Variants in PDZRN4 observed in about 807,000 individuals in gnomAD.
The protein encoded by PDZRN4 is PDZ domain containing ring finger 4.
Under a neutral mutation model 99.0 loss-of-function variants are expected in PDZRN4, and 70 were observed. The observed-to-expected ratio is 0.71, with a 90% CI of 0.58 to 0.86. The LOEUF (loss-of-function observed/expected upper bound fraction) is 0.86, where lower values mean the gene tolerates loss of function less well. Among genes scored for constraint, PDZRN4 ranks in the 40% least tolerant of loss-of-function variants. The probability of loss-of-function intolerance (pLI) is 0.00; values close to 1 mark genes in which losing one functional copy is unlikely to be tolerated. For missense variants in PDZRN4, 1,474 were observed against 1,331.2 expected, an observed-to-expected ratio of 1.11 and a Z score of -1.67; for synonymous variants, 551 against 501.6, an observed-to-expected ratio of 1.10 and a Z score of -1.32.
chr12:41,406,313 G>C (rs7956499), intron 3 of PDZRN4, among the ~76,000 whole-genome samples: 59,938 of 151,850 alleles, frequency 0.39, 12,030 homozygotes, highest in South Asian at 0.45. Flanking sequence ...GACACATTTA[G>C]TTGAAAAATA....
chr12:41,495,071 C>T (rs1302789516), intron 3 of PDZRN4, among the ~76,000 whole-genome samples: 2 of 151,954 alleles, frequency 1.3e-5, no homozygotes, highest in Non-Finnish European at 2.9e-5. Context: ...AAGTTTATAT[C>T]CTACACAAAG....
intron 3 of PDZRN4, among the ~76,000 whole-genome samples, chr12:41,354,249 T>A (rs1951911679): frequency 6.6e-6 from 1 of 152,128 alleles, no homozygotes; most frequent in South Asian, 2.1e-4. Flanking sequence ...ATTGCACTGA[T>A]GAAGAATTGT....
chr12:41,385,596 A>G (rs1952163513), intron 3 of PDZRN4, among the ~76,000 whole-genome samples: 1 of 152,182 alleles, frequency 6.6e-6, no homozygotes, highest in African/African-American at 2.4e-5. Flanking sequence ...TCCTGGGCAC[A>G]TACACCCTTC....
At chr12:41,546,128 G>A (rs988092933) in intron 5 of PDZRN4, among the ~76,000 whole-genome samples, 3 of 152,148 alleles carry the variant, frequency 2.0e-5, no homozygotes, top group Non-Finnish European at 2.9e-5. Context: ...GGTAATGAAC[G>A]TACAGGGAAA....
chr12:41,374,920 C>T (rs1323136514), intron 3 of PDZRN4, among the ~76,000 whole-genome samples: 1 of 152,202 alleles, frequency 6.6e-6, no homozygotes, highest in Non-Finnish European at 1.5e-5. Context: ...TATACCTCTT[C>T]TGAGATTAGG....
At chr12:41,483,319 AAG>A (rs1937711752) in intron 3 of PDZRN4, among the ~76,000 whole-genome samples, 1 of 152,166 alleles carries the variant, frequency 6.6e-6, no homozygotes, top group Non-Finnish European at 1.5e-5. Context: ...AGCTTACTAA[AAG>A]AGAAGGATAT....
At chr12:41,246,126 T>G (rs527532304) in intron 3 of PDZRN4, among the ~76,000 whole-genome samples, 1 of 152,256 alleles carries the variant, frequency 6.6e-6, no homozygotes, top group East Asian at 1.9e-4. Flanking sequence ...CTCAGAAAAA[T>G]AAAAATGTCT....
Position 41,275,904 on chromosome 12 carries a change from T to C in PDZRN4, c.843+81716T>C, listed in dbSNP as rs542397878. ...ACAGGCTGGATGTGAAAAATGAAGG[T>C]GATTTTGAGGGATGTGAGACTAGAG... On this transcript the variant is annotated intron_variant, in intron 3 of 9. Transcript: ENST00000402685. 3.3e-5 allele frequency among the ~76,000 whole-genome samples: 5 copies of C among 152,032 alleles called. No individual in the cohort carries two copies. In the South Asian group the frequency reaches 6.2e-4, roughly 19 times the overall value.
chr12:41,214,430 T>C (rs1380610581), intron 3 of PDZRN4, among the ~76,000 whole-genome samples: 2 of 34,078 alleles, frequency 5.9e-5, no homozygotes, highest in African/African-American at 8.3e-5. Context: ...CCCTGTCCCC[T>C]AAAAAAAAAA....
chr12:41,555,178 C>T (rs536074258), intron 6 of PDZRN4, among the ~76,000 whole-genome samples: 31 of 141,392 alleles, frequency 2.2e-4, no homozygotes, highest in African/African-American at 7.9e-4. Context: ...TTGCAGTGAG[C>T]GGAGATGGCG....
rs200204527 is a variant in PDZRN4, at chr12:41,506,673, C to G, written c.1061C>G (p.Pro354Arg). ...MALAKLRPPT[P>R]PVPDICPFLL... Reference sequence around the variant, plus strand: ...CTGGCCAAGCTTCGTCCACCTACCCCTCCAGTGCCAGACATCTGTCCATTC... The same window carrying G: ...CTGGCCAAGCTTCGTCCACCTACCCGTCCAGTGCCAGACATCTGTCCATTC... Residue 354 changes from proline to arginine, a missense_variant, in exon 4 of 10, where the codon CCT (proline) becomes CGT (arginine). Physicochemically the swap from Pro to Arg is moderately radical, Grantham distance 103. Transcript: ENST00000402685. 3.1e-6 allele frequency: 5 copies of G among 1,613,694 alleles called. No individual in the cohort carries two copies. In the South Asian group the frequency reaches 5.5e-5, roughly 18 times the overall value.
chr12:41,416,277 G>A (rs1311429308), intron 3 of PDZRN4, among the ~76,000 whole-genome samples: 1 of 152,138 alleles, frequency 6.6e-6, no homozygotes. Context: ...TTCTTCTGTT[G>A]TAAATAAGAG....
chr12:41,571,145 C>CTATA (rs199839703), intron 9 of PDZRN4, among the ~76,000 whole-genome samples: 1 of 150,448 alleles, frequency 6.6e-6, no homozygotes, highest in African/African-American at 2.4e-5. Flanking sequence ...ATCTATCTAT[C>CTATA]TATATATATA....
Position 41,500,954 on chromosome 12 carries a change from C to T in PDZRN4, c.844-5502C>T, listed in dbSNP as rs1458154. ...ATTATCAAATAGAGAATTGACTCTG[C>T]GTCACTTAGGGACTTCAGTCAAAAT... On this transcript the variant is annotated intron_variant, in intron 3 of 9. Transcript: ENST00000402685. Among the ~76,000 whole-genome samples, 1,078 of 152,194 alleles carry T rather than the reference C, an allele frequency of 7.1e-3. 14 individuals are homozygous for T. The highest frequency in any genetic ancestry group is 0.024 in the African/African-American group (1,004 of 41,536).
chr12:41,354,970 T>G (rs1951916099), intron 3 of PDZRN4, among the ~76,000 whole-genome samples: 1 of 152,048 alleles, frequency 6.6e-6, no homozygotes, highest in Admixed American at 6.6e-5. Context: ...GCAAGGTAAA[T>G]TCCATGTTAG....
chr12:41,196,454 A>T (rs1484840734), intron 3 of PDZRN4, among the ~76,000 whole-genome samples: 1 of 152,076 alleles, frequency 6.6e-6, no homozygotes, highest in Non-Finnish European at 1.5e-5. Context: ...GGGTTAGATG[A>T]GGTGCATATT....
At chr12:41,569,144 G>T (rs1240859437) in intron 9 of PDZRN4, among the ~76,000 whole-genome samples, 1 of 149,468 alleles carries the variant, frequency 6.7e-6, no homozygotes, top group African/African-American at 2.5e-5. Flanking sequence ...TTTTAAGATA[G>T]AGTCTCACTC....
chr12:41,517,470 T>C (rs1310310104), intron 5 of PDZRN4, among the ~76,000 whole-genome samples: 1 of 152,092 alleles, frequency 6.6e-6, no homozygotes, highest in Non-Finnish European at 1.5e-5. Flanking sequence ...AAAAACTGTT[T>C]TCATAGTGGC....
intron 5 of PDZRN4, among the ~76,000 whole-genome samples, chr12:41,549,676 C>T (rs567897409): frequency 2.0e-5 from 3 of 152,130 alleles, no homozygotes; most frequent in Non-Finnish European, 4.4e-5. Flanking sequence ...TTAATATGCG[C>T]TAAAGCCTGA....
Sources: allele counts gnomAD v4.1 joint callset (sites outside exome capture counted in the v4.1 genomes callset), GRCh38; gene constraint gnomAD v4.1.1; transcripts MANE v1.5; gene names NCBI Gene and HGNC (gene_info 2026-07-23, HGNC 2026-07-21).